CSE1L: variants seen among roughly 807,000 people sequenced by gnomAD.
The protein encoded by CSE1L is exportin-2.
In CSE1L, 24 loss-of-function variants were observed where a neutral mutation model predicts 120.4. That is an observed-to-expected ratio of 0.20 (90% CI 0.14 to 0.28). CSE1L has a LOEUF of 0.28. Among genes scored for constraint, CSE1L ranks in the 10% least tolerant of loss-of-function variants. The probability of loss-of-function intolerance (pLI) is 1.00; values close to 1 mark genes in which losing one functional copy is unlikely to be tolerated. For synonymous variants in CSE1L, 402 were observed against 398.3 expected (o/e 1.01, Z -0.11); for missense variants, 830 against 1,145.2 (o/e 0.72, Z 3.97).
rs2091957640 is a variant in CSE1L at position 49,074,695 on chromosome 20, A to G, written c.1067-90A>G. The G allele has an allele frequency of 3.1e-6, 3 of 976,340 alleles. No homozygotes were observed. In the East Asian group the frequency reaches 7.8e-5, roughly 25 times the overall value. 60.5% of individuals were successfully genotyped at this position (976,340 alleles called of 1,614,324 possible). A position where few individuals can be genotyped will look rare whatever the true frequency, so the allele number is the denominator to read the frequency against. On this transcript the variant is annotated intron_variant, in intron 10 of 24. Transcript: ENST00000262982. ...GGAACGAATTCTTTGCTGTAGAACA[A>G]GGCAGTTTTACATACTCTTCTGCAT...
chr20:49,051,538 C>G (rs1432385966), intron 1 of CSE1L, among the ~76,000 whole-genome samples: 2 of 152,128 alleles, frequency 1.3e-5, no homozygotes, highest in Admixed American at 6.6e-5. Flanking sequence ...GCAAAGACCC[C>G]TGTCTCCAAA....
Position 49,063,301 on chromosome 20 carries a change from C to A in CSE1L, c.185C>A (p.Ala62Asp), listed in dbSNP as rs1256476306. The change falls in exon 3 of 25, where the codon GCT (alanine) becomes GAT (aspartate). Residue 62 changes from alanine to aspartate, a missense_variant. Around this residue, in one of 4 missense-constraint regions of CSE1L, gnomAD observed 543 missense variants for 640.2 expected, o/e 0.85. Transcript: ENST00000262982. ...CAGGATAATGTTATCAAAGTATGTG[C>A]TTCAGTAACATTCAAAAACTATATT... Reference protein sequence around the residue: ...KSQDNVIKVCASVTFKNYIKR... With the variant: ...KSQDNVIKVCDSVTFKNYIKR... 2.6e-6 allele frequency: 4 copies of A among 1,549,416 alleles called. No individual in the cohort carries two copies. The highest frequency in any genetic ancestry group is 2.8e-5 in the African/African-American group (2 of 72,264).
chr20:49,058,325 T>G (rs1461536350), intron 1 of CSE1L, 128 bp from the exon 2 acceptor site: 2 of 526,444 alleles, frequency 3.8e-6, no homozygotes, highest in East Asian at 6.0e-5. Context: ...TCAGGTTTAC[T>G]GCCCATATAA....
chr20:49,058,572 GTTGA>G (rs1266759148), intron 2 of CSE1L, 24 bp downstream of exon 2: 1 of 1,585,070 alleles, frequency 6.3e-7, no homozygotes, highest in Non-Finnish European at 8.7e-7. Context: ...ACGTTTTTTG[GTTGA>G]TTAATTCCTT....
intron 2 of CSE1L, among the ~76,000 whole-genome samples, chr20:49,059,249 A>G (rs1483928057): frequency 2.6e-5 from 4 of 152,122 alleles, no homozygotes; most frequent in Non-Finnish European, 1.5e-5. Flanking sequence ...TCTTAATTTT[A>G]ATTTTCTATT....
At chr20:49,095,415 C>T (rs550904416) in intron 24 of CSE1L, among the ~76,000 whole-genome samples, 19 of 152,186 alleles carry the variant, frequency 1.2e-4, no homozygotes, top group Admixed American at 2.0e-4. Flanking sequence ...GCCTCAACCT[C>T]CCAGGTTCAA....
chr20:49,080,409 A>C (rs1423648072), intron 14 of CSE1L, among the ~76,000 whole-genome samples: 1 of 152,018 alleles, frequency 6.6e-6, no homozygotes, highest in Non-Finnish European at 1.5e-5. Context: ...ATGTTAAGAC[A>C]GATCAGTGGA....
chr20:49,054,442 C>G (rs999160932), intron 1 of CSE1L, among the ~76,000 whole-genome samples: 14 of 152,148 alleles, frequency 9.2e-5, no homozygotes, highest in African/African-American at 3.4e-4. Context: ...CACTCTTGGT[C>G]AGCCGTCTGT....
At chr20:49,088,339 AGTAACATGTTTATT>A (rs2092075652) in intron 17 of CSE1L, among the ~76,000 whole-genome samples, 1 of 152,228 alleles carries the variant, frequency 6.6e-6, no homozygotes, top group Non-Finnish European at 1.5e-5. Context: ...TCATTACAAA[AGTAACATGTTTATT>A]GTAGAAAAAG....
chr20:49,053,809 C>T (rs897746280), intron 1 of CSE1L, among the ~76,000 whole-genome samples: 7 of 152,170 alleles, frequency 4.6e-5, no homozygotes, highest in African/African-American at 1.7e-4. Flanking sequence ...CCACCTTAGC[C>T]TCCCAAGTAG....
chr20:49,066,567 G>A (rs1370363410), intron 5 of CSE1L, 57 bp downstream of exon 5: 21 of 1,464,550 alleles, frequency 1.4e-5, no homozygotes, highest in Middle Eastern at 1.8e-4. Context: ...ATTTGCTTGT[G>A]TAAACAGTTG....
rs565462137 is a variant in CSE1L, at chr20:49,058,958, C to T, written c.85+410C>T. Among the ~76,000 whole-genome samples, 23 of 152,044 alleles carry T rather than the reference C, an allele frequency of 1.5e-4. No individual in the cohort carries two copies. The East Asian group carries it at 4.1e-3, about 27-fold the overall frequency. On this transcript the variant is annotated intron_variant, in intron 2 of 24. Coordinates refer to ENST00000262982, the MANE Select transcript of CSE1L (RefSeq NM_001316.4). ...CATCCTGGCTAACACGGTGAAACCCCGTCTCTACTAAAAGTACAAAAAATT... is the reference window on the plus strand; with the variant it reads ...CATCCTGGCTAACACGGTGAAACCCTGTCTCTACTAAAAGTACAAAAAATT...
intron 14 of CSE1L, among the ~76,000 whole-genome samples, chr20:49,082,048 C>T (rs1204169924): frequency 1.3e-5 from 2 of 151,980 alleles, no homozygotes; most frequent in African/African-American, 2.4e-5. Context: ...GCTTTCACTA[C>T]GCATTTATGT....
intron 24 of CSE1L, among the ~76,000 whole-genome samples, chr20:49,095,875 T>C (rs781045609): frequency 2.0e-5 from 3 of 152,104 alleles, no homozygotes; most frequent in Non-Finnish European, 2.9e-5. Context: ...AAAACATATA[T>C]GTGTGTGGCG....
chr20:49,060,166 CAG>C (rs1216450528), intron 2 of CSE1L, among the ~76,000 whole-genome samples: 1 of 135,528 alleles, frequency 7.4e-6, no homozygotes, highest in Non-Finnish European at 1.5e-5. Flanking sequence ...GCCTGGGTGA[CAG>C]AGGGAAATCT....
In CSE1L at chr20:49,077,043, C is replaced by G. The variant is rs776991148; in HGVS notation, c.1399C>G (p.Pro467Ala). 1 of 1,607,746 alleles carries G rather than the reference C, an allele frequency of 6.2e-7. No homozygotes were observed. The highest frequency in any genetic ancestry group is 8.5e-7 in the Non-Finnish European group (1 of 1,177,398). Residue 467 changes from proline (P) to alanine (A), a missense_variant, in exon 13 of 25, where the codon CCT (proline) becomes GCT (alanine). Around this residue, in one of 4 missense-constraint regions of CSE1L, gnomAD observed 543 missense variants for 640.2 expected, o/e 0.85. Coordinates refer to ENST00000262982, the MANE Select transcript of CSE1L (RefSeq NM_001316.4). ...LTEFFVNHIL[P>A]DLKSANVNEF... ...TGAGTTCTTTGTGAATCACATCCTC[C>G]CTGATTTAAAATCAGCTAATGGTGA...
intron 2 of CSE1L, among the ~76,000 whole-genome samples, chr20:49,059,401 A>G (rs1323661733): frequency 6.6e-6 from 1 of 151,998 alleles, no homozygotes; most frequent in East Asian, 1.9e-4. Context: ...AATGAGGGAG[A>G]TAGGCCAAGT....
intron 12 of CSE1L, among the ~76,000 whole-genome samples, chr20:49,075,752 T>A (rs1293553315): frequency 6.6e-6 from 1 of 152,238 alleles, no homozygotes; most frequent in African/African-American, 2.4e-5. Flanking sequence ...TGAGACCCGC[T>A]GTATCAAATA....
chr20:49,082,724 T>C (rs1462074282), intron 14 of CSE1L, among the ~76,000 whole-genome samples: 3 of 151,968 alleles, frequency 2.0e-5, no homozygotes, highest in Non-Finnish European at 4.4e-5. Flanking sequence ...GGTTTCACTG[T>C]GTTAGCCAGG....
Sources: allele counts gnomAD v4.1 joint callset (sites outside exome capture counted in the v4.1 genomes callset), GRCh38; gene constraint gnomAD v4.1.1; regional missense constraint gnomAD v4.1.1; transcripts MANE v1.5; gene names NCBI Gene and HGNC (gene_info 2026-07-23, HGNC 2026-07-21).